The following EPHA5 variants were observed in gnomAD, a reference collection of about 807,000 sequenced individuals.
The protein encoded by EPHA5 is ephrin type-A receptor 5.
Under a neutral mutation model 105.0 loss-of-function variants are expected in EPHA5, and 60 were observed. The observed-to-expected ratio is 0.57, with a 90% CI of 0.46 to 0.71. The LOEUF (loss-of-function observed/expected upper bound fraction) is 0.71, where lower values mean the gene tolerates loss of function less well. EPHA5 is among the 30% of genes least tolerant of loss of function. The probability of loss-of-function intolerance (pLI) is 0.00; values close to 1 mark genes in which losing one functional copy is unlikely to be tolerated. For synonymous variants in EPHA5, 513 were observed against 449.1 expected, an observed-to-expected ratio of 1.14 and a Z score of -1.80; for missense variants, 1,218 against 1,274.7, an observed-to-expected ratio of 0.96 and a Z score of 0.68.
At chr4:65,550,722 G>C (rs1304752327) in intron 3 of EPHA5, among the ~76,000 whole-genome samples, 2 of 152,084 alleles carry the variant, frequency 1.3e-5, no homozygotes, top group Non-Finnish European at 2.9e-5. Flanking sequence ...TATAGTCCCA[G>C]CTAATCGAGG....
At chr4:65,606,630 A>G (rs1289536908) in intron 2 of EPHA5, among the ~76,000 whole-genome samples, 1 of 152,186 alleles carries the variant, frequency 6.6e-6, no homozygotes, top group Non-Finnish European at 1.5e-5. Context: ...ATTTTTCACT[A>G]GCATTACATT....
chr4:65,465,499 G>C (rs1405964471), intron 5 of EPHA5, among the ~76,000 whole-genome samples: 1 of 93,732 alleles, frequency 1.1e-5, no homozygotes, highest in African/African-American at 3.9e-5. Context: ...AAGAAAGAAA[G>C]AAAGAAAGAA....
intron 3 of EPHA5, among the ~76,000 whole-genome samples, chr4:65,567,843 C>G (rs1739711537): frequency 6.6e-6 from 1 of 151,324 alleles, no homozygotes; most frequent in South Asian, 2.1e-4. Context: ...TGACATTGGC[C>G]TATATTGTCA....
intron 11 of EPHA5, among the ~76,000 whole-genome samples, chr4:65,355,244 G>A (rs1375221556): frequency 2.0e-5 from 3 of 151,560 alleles, no homozygotes; most frequent in Non-Finnish European, 3.0e-5. Flanking sequence ...AGTTACAAGA[G>A]ATGAGGTGAC....
chr4:65,322,326 G>A lies in EPHA5; in HGVS notation c.*1788C>T, dbSNP rs561685252. ...ATTTCCCAAAAGTTTATTCTTATAT[G>A]TGCTAATATTCAAATAAAACAAGTG... is the stretch of plus-strand genomic sequence containing the variant. On this transcript the variant is annotated 3_prime_UTR_variant, in exon 17 of 17. Transcript: ENST00000613740. 102 of 223,996 alleles carry A rather than the reference G, an allele frequency of 4.6e-4. 1 individual carries two copies. Among genetic ancestry groups the A allele is most frequent in the African/African-American group, 2.1e-3 (93 of 44,904 alleles). 13.9% of individuals were successfully genotyped at this position (223,996 alleles called of 1,614,324 possible).
chr4:65,342,878 G>C (rs1395114502), intron 14 of EPHA5, among the ~76,000 whole-genome samples: 1 of 151,560 alleles, frequency 6.6e-6, no homozygotes, highest in Non-Finnish European at 1.5e-5. Flanking sequence ...GAGTCAAATA[G>C]TCTTTCTGCT....
chr4:65,483,291 T>G (rs1303051822), intron 5 of EPHA5, among the ~76,000 whole-genome samples: 1 of 152,228 alleles, frequency 6.6e-6, no homozygotes, highest in Non-Finnish European at 1.5e-5. Flanking sequence ...TCCAAGTCTT[T>G]GCTATTGTGA....
chr4:65,458,778 C>A (rs1479378080), intron 5 of EPHA5, among the ~76,000 whole-genome samples: 3 of 151,864 alleles, frequency 2.0e-5, no homozygotes, highest in Non-Finnish European at 4.4e-5. Flanking sequence ...AGAAACAAGC[C>A]TACAGTAAAT....
chr4:65,529,198 AT>A (rs1234747597), intron 3 of EPHA5, among the ~76,000 whole-genome samples: 1 of 152,066 alleles, frequency 6.6e-6, no homozygotes, highest in African/African-American at 2.4e-5. Context: ...ATGAAAAAAA[AT>A]AAAAGAATAC....
intron 5 of EPHA5, among the ~76,000 whole-genome samples, chr4:65,428,950 A>G (rs2149057642): frequency 6.6e-6 from 1 of 152,210 alleles, no homozygotes; most frequent in East Asian, 1.9e-4. Context: ...ATTAAATGTA[A>G]CAAGGTGTAT....
At chr4:65,462,449 A>T (rs915262337) in intron 5 of EPHA5, among the ~76,000 whole-genome samples, 1 of 152,118 alleles carries the variant, frequency 6.6e-6, no homozygotes, top group African/African-American at 2.4e-5. Context: ...CTAAACATTG[A>T]TGGGGGGGTC....
intron 8 of EPHA5, among the ~76,000 whole-genome samples, chr4:65,402,369 T>G (rs759403112): frequency 6.6e-6 from 1 of 152,134 alleles, no homozygotes; most frequent in Non-Finnish European, 1.5e-5. Context: ...AATGATACTA[T>G]CCTTCGGTTA....
intron 3 of EPHA5, among the ~76,000 whole-genome samples, chr4:65,591,123 T>A (rs1742601492): frequency 6.6e-6 from 1 of 152,066 alleles, no homozygotes; most frequent in Non-Finnish European, 1.5e-5. Context: ...AAACAAGATG[T>A]GCTAAAAAAG....
chr4:65,369,735 AG>A (rs1718272886), intron 8 of EPHA5, among the ~76,000 whole-genome samples: 2 of 152,186 alleles, frequency 1.3e-5, no homozygotes, highest in South Asian at 4.1e-4. Flanking sequence ...TGGGAATCTG[AG>A]GTGGGCAGAT....
At chr4:65,340,463 CT>C (rs1270039314) in intron 14 of EPHA5, among the ~76,000 whole-genome samples, 2 of 152,112 alleles carry the variant, frequency 1.3e-5, no homozygotes, top group Admixed American at 1.3e-4. Context: ...AGTTGGACTT[CT>C]TTCTCACAGT....
intron 10 of EPHA5, 95 bp downstream of exon 10, chr4:65,365,837 G>C (rs1422519568): frequency 5.4e-6 from 7 of 1,292,626 alleles, no homozygotes; most frequent in Non-Finnish European, 7.4e-6. Context: ...AATTAGAAAA[G>C]ATTAAAAACA....
intron 3 of EPHA5, among the ~76,000 whole-genome samples, chr4:65,547,030 C>A (rs1248201436): frequency 6.6e-6 from 1 of 151,992 alleles, no homozygotes; most frequent in Non-Finnish European, 1.5e-5. Context: ...AGTGTCACTG[C>A]AACCTTAAAT....
At chr4:65,484,181 C>T (rs903896642) in intron 5 of EPHA5, among the ~76,000 whole-genome samples, 1 of 151,976 alleles carries the variant, frequency 6.6e-6, no homozygotes, top group Non-Finnish European at 1.5e-5. Context: ...ACAGAGATTG[C>T]CAACAAGTAT....
intron 8 of EPHA5, among the ~76,000 whole-genome samples, chr4:65,393,279 A>C (rs1720899569): frequency 6.6e-6 from 1 of 152,182 alleles, no homozygotes; most frequent in Admixed American, 6.5e-5. Flanking sequence ...GGTGTTGGTC[A>C]CAAAGTGTAA....
Sources: gnomAD v4.1 joint callset for allele counts (sites outside exome capture counted in the v4.1 genomes callset) on GRCh38, gnomAD v4.1.1 for gene constraint, MANE v1.5 for transcripts, NCBI Gene and HGNC (gene_info 2026-07-23, HGNC 2026-07-21) for gene names.